NUP62CL: variants seen among roughly 807,000 people sequenced by gnomAD.
NUP62CL encodes nucleoporin-62 C-terminal-like protein.
In NUP62CL, 13 loss-of-function variants were observed where a neutral mutation model predicts 15.3. The ratio of observed to expected loss-of-function variants is 0.85; its 90% CI spans 0.55 to 1.35. NUP62CL has a LOEUF of 1.35. Among genes scored for constraint, NUP62CL ranks in the 40% most tolerant of loss-of-function variants. The pLI is 0.00. For missense variants in NUP62CL, 123 were observed against 130.6 expected, an observed-to-expected ratio of 0.94 and a Z score of 0.28; for synonymous variants, 54 against 49.2, an observed-to-expected ratio of 1.10 and a Z score of -0.41.
rs1925314993 is a variant in NUP62CL, at chrX:107,123,631, T to G, written c.*744A>C. The G allele has an allele frequency of 9.0e-6, 1 of 111,160 alleles. No individual in the cohort carries two copies. Among genetic ancestry groups the G allele is most frequent in the Non-Finnish European group, 1.9e-5 (1 of 52,973 alleles). 9.2% of individuals were successfully genotyped at this position (111,160 alleles called of 1,213,427 possible). ...ACAAATATACGGAAATCACCAACTA[T>G]AAATCATATGCTAAAACCAAATAAA... On this transcript the variant is annotated 3_prime_UTR_variant, in exon 9 of 9. Transcript: ENST00000372466.
chrX:107,165,129 CA>C (rs1044637989), intron 4 of NUP62CL, among the ~76,000 whole-genome samples: 1 of 108,396 alleles, frequency 9.2e-6, no homozygotes, highest in Non-Finnish European at 1.9e-5. Flanking sequence ...ACAAACAAAA[CA>C]AAAAAACAAA....
chrX:107,154,631 C>T (rs771319277), intron 4 of NUP62CL, among the ~76,000 whole-genome samples: 1 of 111,490 alleles, frequency 9.0e-6, no homozygotes, highest in African/African-American at 3.3e-5. Context: ...GTCAAAGTGA[C>T]CCATTCCCTG....
intron 4 of NUP62CL, among the ~76,000 whole-genome samples, chrX:107,157,307 A>C (rs975983676): frequency 9.5e-6 from 1 of 105,248 alleles, no homozygotes; most frequent in African/African-American, 3.6e-5. Flanking sequence ...GGGAAGAGCA[A>C]CTCCAAGACA....
intron 8 of NUP62CL, among the ~76,000 whole-genome samples, chrX:107,142,393 G>C (rs770748053): frequency 4.8e-4 from 53 of 111,538 alleles, no homozygotes; most frequent in Non-Finnish European, 9.4e-4. Context: ...ACTCTAAGGA[G>C]TAACTCTGCC....
chrX:107,152,110 A>G (rs1212822504), intron 7 of NUP62CL, among the ~76,000 whole-genome samples: 6 of 62,797 alleles, frequency 9.6e-5, no homozygotes, highest in Non-Finnish European at 1.6e-4. Flanking sequence ...ATATATATAT[A>G]TATTCAGATA....
Position 107,194,807 on chromosome X carries a change from CTCTCTTT to C in NUP62CL, c.-91-1742_-91-1736del, listed in dbSNP as rs1378660162. On this transcript the variant is annotated intron_variant, in intron 1 of 8. Transcript: ENST00000372466. Reference sequence around the variant, plus strand: ...CATTGAGTCCAATTTTCTTTTCTTTCTCTCTTTTTTTTTTTTTTTTTTTTTTTTTGAG... The same window carrying C: ...CATTGAGTCCAATTTTCTTTTCTTTCTTTTTTTTTTTTTTTTTTTTTTGAG... Among the ~76,000 whole-genome samples the C allele has an allele frequency of 5.6e-3, 506 of 90,709 alleles. 4 individuals carry two copies. In the East Asian group the frequency reaches 0.074, roughly 13 times the overall value. 78.8% of individuals were successfully genotyped at this position (90,709 alleles called of 115,157 possible).
At chrX:107,155,923 G>A (rs1337808358) in intron 4 of NUP62CL, among the ~76,000 whole-genome samples, 2 of 112,159 alleles carry the variant, frequency 1.8e-5, no homozygotes, top group South Asian at 3.8e-4. Flanking sequence ...GTGGGTGCGC[G>A]CACCGTGCGC....
rs1926551164 is a variant in NUP62CL, at chrX:107,167,738, A to G, written c.105T>C (p.Thr35=). The G allele has an allele frequency of 8.3e-7, 1 of 1,201,379 alleles. No homozygotes were observed. Among genetic ancestry groups the G allele is most frequent in the South Asian group, 1.8e-5 (1 of 56,354 alleles). ...TTTATFTTNT[T]TTITSGFTVN... Reference sequence around the variant, plus strand: ...CAGTAAAGCCACTGGTGATTGTGGTAGTAGTGTTGGTGGTGAAAGTGGCGG... The same window carrying G: ...CAGTAAAGCCACTGGTGATTGTGGTGGTAGTGTTGGTGGTGAAAGTGGCGG... Residue 35 remains threonine, a synonymous_variant, in exon 4 of 9, where the codon ACT becomes ACC. Coordinates refer to ENST00000372466, the MANE Select transcript of NUP62CL (RefSeq NM_017681.3).
chrX:107,139,155 G>A (rs1392979325), intron 8 of NUP62CL, among the ~76,000 whole-genome samples: 1 of 111,391 alleles, frequency 9.0e-6, no homozygotes, highest in African/African-American at 3.3e-5. Context: ...TAGGAAATGC[G>A]GTAGAGGGGT....
At chrX:107,184,482 A>G (rs1394359934) in intron 2 of NUP62CL, among the ~76,000 whole-genome samples, 3 of 111,527 alleles carry the variant, frequency 2.7e-5, no homozygotes, top group African/African-American at 9.8e-5. Context: ...ATAGAGGGAG[A>G]GTACAGAAAT....
At chrX:107,204,749 TTTAAATAAATTTTAAATAAA>T (rs1569369056) in intron 1 of NUP62CL, among the ~76,000 whole-genome samples, 1,364 of 92,014 alleles carry the variant, frequency 0.015, 119 homozygotes, top group East Asian at 0.028. Context: ...AAATAAATTA[TTTAAATAAATTTTAAATAAA>T]TTATTTAAAT....
At chrX:107,196,158 C>T (rs929019560) in intron 1 of NUP62CL, among the ~76,000 whole-genome samples, 10 of 111,381 alleles carry the variant, frequency 9.0e-5, no homozygotes, top group African/African-American at 3.3e-4. Flanking sequence ...TAGCACATAA[C>T]TTTAATTTTT....
At position 107,123,991 on chromosome X, in the gene NUP62CL, C is replaced by T. The variant is rs1925327181; in HGVS notation, c.*384G>A. The T allele has an allele frequency of 5.0e-6, 1 of 200,116 alleles. No individual in the cohort carries two copies. Among genetic ancestry groups the T allele is most frequent in the Non-Finnish European group, 9.0e-6 (1 of 111,604 alleles). 16.5% of individuals were successfully genotyped at this position (200,116 alleles called of 1,213,427 possible). A position where few individuals can be genotyped will look rare whatever the true frequency, so the allele number is the denominator to read the frequency against. Reference sequence around the variant, plus strand: ...TGTACTGATGCCAGGGAGAGTAAGACATAAATTACACATATAGAGTCAGCA... The same window carrying T: ...TGTACTGATGCCAGGGAGAGTAAGATATAAATTACACATATAGAGTCAGCA... On this transcript the variant is annotated 3_prime_UTR_variant, in exon 9 of 9. Coordinates refer to ENST00000372466, the MANE Select transcript of NUP62CL (RefSeq NM_017681.3).
At chrX:107,197,798 C>T (rs1344410944) in intron 1 of NUP62CL, among the ~76,000 whole-genome samples, 1 of 111,399 alleles carries the variant, frequency 9.0e-6, no homozygotes, top group Non-Finnish European at 1.9e-5. Context: ...AGTGTTGATG[C>T]CCACTAGACT....
chrX:107,194,031 C>T (rs1355013882), intron 1 of NUP62CL, among the ~76,000 whole-genome samples: 4 of 110,011 alleles, frequency 3.6e-5, no homozygotes, highest in Admixed American at 2.0e-4. Flanking sequence ...AGAAAAAAAT[C>T]TGCCAGTACC....
chrX:107,165,129 C>CA (rs1044637989), intron 4 of NUP62CL, among the ~76,000 whole-genome samples: 23 of 108,446 alleles, frequency 2.1e-4, no homozygotes, highest in Non-Finnish European at 3.1e-4. Context: ...ACAAACAAAA[C>CA]AAAAAAACAA....
At position 107,124,206 on chromosome X, in the gene NUP62CL, A is replaced by G. The variant is rs1172021005; in HGVS notation, c.*169T>C. The G allele has an allele frequency of 3.0e-6, 1 of 333,892 alleles. No individual in the cohort carries two copies. The highest frequency in any genetic ancestry group is 2.8e-5 in the South Asian group (1 of 36,147). The allele number at this position is 333,892 out of a possible 1,213,427, so 27.5% of individuals were successfully genotyped here. A position where few individuals can be genotyped will look rare whatever the true frequency, so the allele number is the denominator to read the frequency against. ...TTAACATCAGAATTTGTAGGTAATA[A>G]TCCAGAAACGACATGCTGAAGATAT... On this transcript the variant is annotated 3_prime_UTR_variant, in exon 9 of 9. Transcript: ENST00000372466.
At chrX:107,192,667 C>A (rs1306478747) in intron 2 of NUP62CL, among the ~76,000 whole-genome samples, 1 of 112,287 alleles carries the variant, frequency 8.9e-6, no homozygotes, top group Admixed American at 9.4e-5. Context: ...AAGCGCGAAC[C>A]ACTGCGCCAG....
intron 8 of NUP62CL, among the ~76,000 whole-genome samples, chrX:107,124,978 A>G (rs1925354487): frequency 8.9e-6 from 1 of 111,777 alleles, no homozygotes; most frequent in African/African-American, 3.2e-5. Context: ...AAGAAAAACA[A>G]TTTACAAGAG....
Sources: allele counts gnomAD v4.1 joint callset (sites outside exome capture counted in the v4.1 genomes callset), GRCh38; gene constraint gnomAD v4.1.1; transcripts MANE v1.5; gene names NCBI Gene and HGNC (gene_info 2026-07-23, HGNC 2026-07-21).